Variants in PRRX1 observed in about 807,000 individuals in gnomAD.
The protein encoded by PRRX1 is paired related homeobox 1.
Under a neutral mutation model 24.0 loss-of-function variants are expected in PRRX1, and 8 were observed. That is an observed-to-expected ratio of 0.33 (90% CI 0.20 to 0.60). The LOEUF is 0.60. PRRX1 is among the 20% of genes least tolerant of loss of function. The pLI is 0.82. For synonymous variants in PRRX1, 160 were observed against 131.7 expected (o/e 1.22, Z -1.47); for missense variants, 281 against 322.4 (o/e 0.87, Z 0.98).
intron 1 of PRRX1, among the ~76,000 whole-genome samples, chr1:170,711,311 T>C (rs1336901893): frequency 1.3e-5 from 2 of 152,220 alleles, no homozygotes; most frequent in Non-Finnish European, 1.5e-5. Context: ...AATTCTCTGT[T>C]ATTGTGGCTT....
chr1:170,691,507 TTTCC>T (rs1653951003), intron 1 of PRRX1, among the ~76,000 whole-genome samples: 1 of 142,928 alleles, frequency 7.0e-6, no homozygotes, highest in African/African-American at 2.6e-5. Flanking sequence ...TTTCCTTTCC[TTTCC>T]TTCCTTCTTC....
intron 1 of PRRX1, among the ~76,000 whole-genome samples, chr1:170,677,143 C>T (rs575628794): frequency 1.4e-4 from 21 of 152,248 alleles, no homozygotes; most frequent in East Asian, 5.8e-4. Flanking sequence ...GATTTAGACA[C>T]GTTAGGAGTC....
intron 1 of PRRX1, among the ~76,000 whole-genome samples, chr1:170,710,271 T>A (rs1654704213): frequency 6.6e-6 from 1 of 152,148 alleles, no homozygotes; most frequent in Admixed American, 6.5e-5. Flanking sequence ...TATTGAAAGT[T>A]TTTTATTAGG....
Position 170,738,845 on chromosome 1 carries a change from C to T in PRRX1, c.*2659C>T, listed in dbSNP as rs894103926. On this transcript the variant is annotated 3_prime_UTR_variant, in exon 4 of 4. Coordinates refer to ENST00000239461, the MANE Select transcript of PRRX1 (RefSeq NM_022716.4). ...GATAGGTGAAGTTGGGTGGTTTTAT[C>T]CAATGTCTCAAGCAAGCAATGTCTG... is the stretch of plus-strand genomic sequence containing the variant. 3 of 229,164 alleles carry T rather than the reference C, an allele frequency of 1.3e-5. No homozygotes were observed. The highest frequency in any genetic ancestry group is 8.6e-6 in the Non-Finnish European group (1 of 115,648). 14.2% of individuals were successfully genotyped at this position (229,164 alleles called of 1,614,324 possible). A position where few individuals can be genotyped will look rare whatever the true frequency, so the allele number is the denominator to read the frequency against.
intron 1 of PRRX1, among the ~76,000 whole-genome samples, chr1:170,689,389 T>C (rs1176820335): frequency 6.6e-6 from 1 of 152,152 alleles, no homozygotes; most frequent in Non-Finnish European, 1.5e-5. Flanking sequence ...AGTCTGACAA[T>C]TTTGAATTTA....
intron 3 of PRRX1, chr1:170,728,474 G>A (rs1655325959): frequency 6.6e-6 from 1 of 152,042 alleles, no homozygotes; most frequent in South Asian, 2.1e-4. Context: ...TATAGATGTA[G>A]CTTTAGTGTA....
chr1:170,735,280 A>G (rs1655568083), intron 3 of PRRX1, among the ~76,000 whole-genome samples: 3 of 152,212 alleles, frequency 2.0e-5, no homozygotes, highest in Admixed American at 2.0e-4. Flanking sequence ...TTTTCTCAGC[A>G]ATGAAGACAG....
In PRRX1 at chr1:170,736,518, A is replaced by T. The variant is rs545138961; in HGVS notation, c.*332A>T. 2.1e-4 allele frequency: 74 copies of T among 350,626 alleles called. 2 individuals carry two copies. The highest frequency in any genetic ancestry group is 1.7e-3 in the South Asian group (55 of 33,012). 21.7% of individuals were successfully genotyped at this position (350,626 alleles called of 1,614,324 possible). On this transcript the variant is annotated 3_prime_UTR_variant, in exon 4 of 4. Transcript: ENST00000239461. ...CACCCCCATGATTGTATGAAGTTTT[A>T]AAAAAAACTACAGCAGCCAAAGAAA...
intron 1 of PRRX1, among the ~76,000 whole-genome samples, chr1:170,665,342 G>C (rs1454413991): frequency 1.3e-5 from 2 of 152,158 alleles, no homozygotes; most frequent in Non-Finnish European, 2.9e-5. Flanking sequence ...TGAAAATCTC[G>C]CTTCGCTAGT....
At chr1:170,735,903 C>A in intron 3 of PRRX1, 145 bp from the exon 4 acceptor site, 1 of 1,068,734 alleles carries the variant, frequency 9.4e-7, no homozygotes. Context: ...AAAGCTGGGG[C>A]TGTAAGGGAC....
At chr1:170,704,185 A>G (rs1025481870) in intron 1 of PRRX1, among the ~76,000 whole-genome samples, 5 of 152,214 alleles carry the variant, frequency 3.3e-5, no homozygotes, top group Non-Finnish European at 7.3e-5. Flanking sequence ...TTGTTATACT[A>G]TAAACACATT....
At position 170,736,583 on chromosome 1, in the gene PRRX1, G is replaced by T; in HGVS notation, c.*397G>T. ...ATATATATATATATCCAGAATGATT[G>T]CCTCTACTGTCCTCATTGACTTGTT... On this transcript the variant is annotated 3_prime_UTR_variant, in exon 4 of 4. Coordinates refer to ENST00000239461, the MANE Select transcript of PRRX1 (RefSeq NM_022716.4). 1 of 233,792 alleles carries T rather than the reference G, an allele frequency of 4.3e-6. No individual in the cohort carries two copies. The allele number at this position is 233,792 out of a possible 1,614,324, so 14.5% of individuals were successfully genotyped here. A position where few individuals can be genotyped will look rare whatever the true frequency, so the allele number is the denominator to read the frequency against.
intron 1 of PRRX1, among the ~76,000 whole-genome samples, chr1:170,677,765 C>T (rs1318783358): frequency 6.6e-6 from 1 of 152,164 alleles, no homozygotes; most frequent in Non-Finnish European, 1.5e-5. Flanking sequence ...GGTCACCCTT[C>T]CTCTCTCAGC....
chr1:170,664,217 C>T lies in PRRX1; in HGVS notation c.-2C>T, dbSNP rs755282756. The T allele has an allele frequency of 6.8e-6, 11 of 1,609,678 alleles. No individual in the cohort carries two copies. Among genetic ancestry groups the T allele is most frequent in the African/African-American group, 1.3e-5 (1 of 74,980 alleles). On this transcript the variant is annotated 5_prime_UTR_variant, in exon 1 of 4. Transcript: ENST00000239461. ...GGGTGGGTGGGATCGGTGGGGGAGA[C>T]CATGACCTCCAGCTACGGGCACGTT...
In PRRX1 at chr1:170,685,886, A is replaced by ATT. The variant is rs11455495; in HGVS notation, c.241+21436_241+21437dup. On this transcript the variant is annotated intron_variant, in intron 1 of 3. Transcript: ENST00000239461. ...TGTGAATGCAACTTGAGTGTAATTG[A>ATT]TTTTTTTTTTACAAGTCAGACTATT... Among the ~76,000 whole-genome samples, 129 of 150,270 alleles carry ATT rather than the reference A, an allele frequency of 8.6e-4. 1 individual carries two copies. Among genetic ancestry groups the ATT allele is most frequent in the Middle Eastern group, 6.8e-3 (2 of 292 alleles).
chr1:170,706,496 A>G (rs552252807), intron 1 of PRRX1, among the ~76,000 whole-genome samples: 22 of 152,286 alleles, frequency 1.4e-4, no homozygotes, highest in South Asian at 8.3e-4. Context: ...TCAAGATCAC[A>G]TGACTTTTTT....
At chr1:170,705,899 C>A (rs1021100560) in intron 1 of PRRX1, among the ~76,000 whole-genome samples, 1 of 149,524 alleles carries the variant, frequency 6.7e-6, no homozygotes, top group Non-Finnish European at 1.5e-5. Flanking sequence ...TGGGCTAAGT[C>A]ACACATATAC....
chr1:170,670,084 A>G (rs768172477), intron 1 of PRRX1, among the ~76,000 whole-genome samples: 14 of 152,170 alleles, frequency 9.2e-5, no homozygotes, highest in Non-Finnish European at 1.9e-4. Context: ...ATTACAGGCA[A>G]TGTTTGGATA....
intron 1 of PRRX1, among the ~76,000 whole-genome samples, chr1:170,707,871 G>C (rs1401962600): frequency 1.3e-5 from 2 of 151,976 alleles, no homozygotes; most frequent in African/African-American, 4.8e-5. Context: ...TAGAAATAGG[G>C]AAAACCTGAA....
Sources: gnomAD v4.1 joint callset for allele counts (sites outside exome capture counted in the v4.1 genomes callset) on GRCh38, gnomAD v4.1.1 for gene constraint, MANE v1.5 for transcripts, NCBI Gene and HGNC (gene_info 2026-07-23, HGNC 2026-07-21) for gene names.